The following MEF2C variants were observed in gnomAD, a reference collection of about 807,000 sequenced individuals.
MEF2C encodes the protein myocyte enhancer factor 2C, also known as myocyte-specific enhancer factor 2C.
In MEF2C, 6 loss-of-function variants were observed where a neutral mutation model predicts 50.5. That is an observed-to-expected ratio of 0.12 (90% CI 0.07 to 0.23). MEF2C has a LOEUF of 0.23. Among genes scored for constraint, MEF2C ranks in the 10% least tolerant of loss-of-function variants. MEF2C has a pLI of 1.00. For missense variants in MEF2C, 276 were observed against 605.0 expected, an observed-to-expected ratio of 0.46 and a Z score of 5.70; for synonymous variants, 183 against 228.0, an observed-to-expected ratio of 0.80 and a Z score of 1.78.
chr5:88,850,265 G>C (rs1014350819), intron 1 of MEF2C, among the ~76,000 whole-genome samples: 1 of 152,110 alleles, frequency 6.6e-6, no homozygotes, highest in African/African-American at 2.4e-5. Flanking sequence ...CTTGTTTTGT[G>C]TCATGCACTA....
intron 4 of MEF2C, among the ~76,000 whole-genome samples, chr5:88,760,118 G>T (rs1324709302): frequency 3.9e-5 from 6 of 152,236 alleles, no homozygotes; most frequent in Admixed American, 3.9e-4. Context: ...ACTAACATTA[G>T]TTATTTAGAA....
chr5:88,776,259 T>A (rs1363205413), intron 3 of MEF2C, among the ~76,000 whole-genome samples: 1 of 152,250 alleles, frequency 6.6e-6, no homozygotes, highest in Non-Finnish European at 1.5e-5. Context: ...TTATATGGTA[T>A]AATGTGCCAT....
chr5:88,890,871 G>T (rs1762073988), intron 1 of MEF2C, among the ~76,000 whole-genome samples: 1 of 152,142 alleles, frequency 6.6e-6, no homozygotes, highest in African/African-American at 2.4e-5. Flanking sequence ...GTTAAGTGAT[G>T]CCCCCAAAGT....
At chr5:88,822,842 T>C (rs543128440) in intron 2 of MEF2C, among the ~76,000 whole-genome samples, 1 of 152,042 alleles carries the variant, frequency 6.6e-6, no homozygotes, top group South Asian at 2.1e-4. Flanking sequence ...AGAAACGTCT[T>C]CTCTGCAGGT....
chr5:88,897,507 CTG>C (rs1428796335), intron 1 of MEF2C, among the ~76,000 whole-genome samples: 2 of 152,162 alleles, frequency 1.3e-5, no homozygotes, highest in South Asian at 2.1e-4. Context: ...TAAGCACTGT[CTG>C]TATTGTTTGA....
intron 1 of MEF2C, among the ~76,000 whole-genome samples, chr5:88,903,162 C>G (rs1835831540): frequency 6.6e-6 from 1 of 151,234 alleles, no homozygotes; most frequent in African/African-American, 2.4e-5. Context: ...TTTGAATTAA[C>G]AAAATAAAAA....
chr5:88,843,109 G>T lies in MEF2C; in HGVS notation c.-142-19179C>A, dbSNP rs185765792. Among the ~76,000 whole-genome samples, 343 of 152,150 alleles carry T rather than the reference G, an allele frequency of 2.3e-3. 4 individuals carry two copies. The highest frequency in any genetic ancestry group is 8.1e-3 in the African/African-American group (337 of 41,498). ...TATTTTGGAACATCCTGATATTTAGGGGGTGGTATCTTGTCAACCCTAACG... is the reference window on the plus strand; with the variant it reads ...TATTTTGGAACATCCTGATATTTAGTGGGTGGTATCTTGTCAACCCTAACG... On this transcript the variant is annotated intron_variant, in intron 1 of 10. Transcript: ENST00000504921.
intron 10 of MEF2C, among the ~76,000 whole-genome samples, chr5:88,725,198 C>T (rs1200764569): frequency 2.0e-5 from 3 of 152,084 alleles, no homozygotes; most frequent in African/African-American, 7.2e-5. Flanking sequence ...AAAGATGTAA[C>T]AATTATTGGT....
chr5:88,860,372 T>C (rs539865723), intron 1 of MEF2C, among the ~76,000 whole-genome samples: 1 of 152,114 alleles, frequency 6.6e-6, no homozygotes, highest in East Asian at 1.9e-4. Context: ...CTTGTCTCAA[T>C]TGCCAGGAAG....
intron 3 of MEF2C, among the ~76,000 whole-genome samples, chr5:88,781,222 G>A (rs1354644352): frequency 6.6e-6 from 1 of 152,036 alleles, no homozygotes; most frequent in Non-Finnish European, 1.5e-5. Context: ...TTAAATGTAA[G>A]CACCAAATAC....
intron 3 of MEF2C, among the ~76,000 whole-genome samples, chr5:88,800,013 C>T (rs911661970): frequency 6.6e-5 from 10 of 152,098 alleles, no homozygotes; most frequent in Non-Finnish European, 1.5e-4. Context: ...GAGTTACATC[C>T]ATCTCTGAAT....
At chr5:88,814,752 C>A (rs1003456248) in intron 2 of MEF2C, among the ~76,000 whole-genome samples, 2 of 151,918 alleles carry the variant, frequency 1.3e-5, no homozygotes, top group African/African-American at 2.4e-5. Flanking sequence ...ATTAAATAAT[C>A]GAATGCACAT....
chr5:88,729,145 A>G, intron 9 of MEF2C, 73 bp downstream of exon 9: 3 of 1,580,862 alleles, frequency 1.9e-6, no homozygotes, highest in Non-Finnish European at 1.7e-6. Context: ...AATAGAGTAA[A>G]AGATAACTTT....
chr5:88,754,530 C>T (rs1278737590), intron 4 of MEF2C, among the ~76,000 whole-genome samples: 1 of 152,166 alleles, frequency 6.6e-6, no homozygotes, highest in Non-Finnish European at 1.5e-5. Context: ...AGATCTAGAA[C>T]ACTGGTACTC....
At chr5:88,890,489 TA>T (rs762877226) in intron 1 of MEF2C, among the ~76,000 whole-genome samples, 8 of 152,128 alleles carry the variant, frequency 5.3e-5, no homozygotes, top group Non-Finnish European at 7.3e-5. Flanking sequence ...TAAAATAAGA[TA>T]AAATAAAAAT....
chr5:88,818,623 A>G (rs1177225096), intron 2 of MEF2C, among the ~76,000 whole-genome samples: 1 of 151,944 alleles, frequency 6.6e-6, no homozygotes, highest in East Asian at 1.9e-4. Context: ...TCCTTGTCAT[A>G]AATCCTCTGC....
At chr5:88,823,106 T>C (rs1287012618) in intron 2 of MEF2C, among the ~76,000 whole-genome samples, 1 of 151,966 alleles carries the variant, frequency 6.6e-6, no homozygotes, top group Non-Finnish European at 1.5e-5. Flanking sequence ...ACATTATCAT[T>C]GGCATTCTAG....
chr5:88,888,606 G>A (rs1365219935), intron 1 of MEF2C, among the ~76,000 whole-genome samples: 3 of 151,976 alleles, frequency 2.0e-5, no homozygotes, highest in Non-Finnish European at 4.4e-5. Flanking sequence ...CTTTCTTCCA[G>A]TTGTGCTTCA....
intron 4 of MEF2C, among the ~76,000 whole-genome samples, chr5:88,753,349 A>AC (rs1307831025): frequency 6.6e-6 from 1 of 151,856 alleles, no homozygotes; most frequent in Non-Finnish European, 1.5e-5. Flanking sequence ...CTTTTCTTTC[A>AC]CACATCTTTG....
Sources: gnomAD v4.1 joint callset for allele counts (sites outside exome capture counted in the v4.1 genomes callset) on GRCh38, gnomAD v4.1.1 for gene constraint, MANE v1.5 for transcripts, NCBI Gene and HGNC (gene_info 2026-07-23, HGNC 2026-07-21) for gene names.